The following EXT1 variants were observed in gnomAD, a reference collection of about 807,000 sequenced individuals.
EXT1 encodes the protein exostosin-1.
A neutral mutation model predicts 82.5 loss-of-function variants in EXT1; 20 were observed. The observed-to-expected ratio is 0.24, with a 90% confidence interval of 0.17 to 0.35. The LOEUF is 0.35. EXT1 is among the 10% of genes least tolerant of loss of function. The pLI is 1.00. For synonymous variants in EXT1, 348 were observed against 350.8 expected (o/e 0.99, Z 0.09); for missense variants, 757 against 936.5 (o/e 0.81, Z 2.50).
rs573638516 is a variant in EXT1, at chr8:117,841,872, AT to A, written c.963-4672del. On this transcript the variant is annotated intron_variant, in intron 1 of 10. Transcript: ENST00000378204. The stretch of plus-strand genomic sequence containing the variant: ...AGTCCTGCCCCTCTGTAGGAAACAC[AT>A]TTTTGCTGGCAGCCATTCTGTGCAA... Among the ~76,000 whole-genome samples the A allele has an allele frequency of 4.8e-3, 736 of 152,300 alleles. 2 individuals are homozygous for A. The highest frequency in any genetic ancestry group is 8.6e-3 in the Non-Finnish European group (588 of 68,020).
intron 1 of EXT1, among the ~76,000 whole-genome samples, chr8:117,933,751 C>T (rs957413673): frequency 1.3e-5 from 2 of 152,156 alleles, no homozygotes; most frequent in African/African-American, 2.4e-5. Flanking sequence ...ACAGGAGGCA[C>T]GGGGCACAGA....
intron 1 of EXT1, among the ~76,000 whole-genome samples, chr8:118,082,162 G>A (rs1015712259): frequency 6.6e-5 from 10 of 152,164 alleles, no homozygotes; most frequent in Non-Finnish European, 1.5e-4. Flanking sequence ...CAGACTAGGG[G>A]AAGGGGATGG....
chr8:117,828,471 G>A (rs1812043529), intron 4 of EXT1, among the ~76,000 whole-genome samples: 1 of 151,624 alleles, frequency 6.6e-6, no homozygotes, highest in Admixed American at 6.6e-5. Context: ...ATTGCTTAAG[G>A]TCATTCCAGC....
chr8:117,808,868 T>C (rs1055608784), intron 8 of EXT1, among the ~76,000 whole-genome samples: 1 of 152,150 alleles, frequency 6.6e-6, no homozygotes, highest in Non-Finnish European at 1.5e-5. Context: ...CCAGTGCAGA[T>C]GGGCAATATC....
Position 117,854,437 on chromosome 8 carries a change from A to AG in EXT1, c.963-17237dup, listed in dbSNP as rs1428819275. On this transcript the variant is annotated intron_variant, in intron 1 of 10. Transcript: ENST00000378204. ...GGAAGAAAAAGTTGGAGAGGGCAGT[A>AG]GGGGGAGAAAACACACACACACACA... Among the ~76,000 whole-genome samples, 2 of 152,070 alleles carry AG rather than the reference A, an allele frequency of 1.3e-5. 1 individual carries two copies. Among genetic ancestry groups the AG allele is most frequent in the South Asian group, 4.1e-4 (2 of 4,820 alleles).
chr8:117,974,755 CCACACCCAGCCCT>C (rs1333697730), intron 1 of EXT1, among the ~76,000 whole-genome samples: 1 of 152,202 alleles, frequency 6.6e-6, no homozygotes, highest in African/African-American at 2.4e-5. Flanking sequence ...GCATGAGCCA[CCACACCCAGCCCT>C]CACTACCTGG....
At chr8:117,932,624 A>T (rs749760046) in intron 1 of EXT1, among the ~76,000 whole-genome samples, 1 of 152,014 alleles carries the variant, frequency 6.6e-6, no homozygotes, top group Non-Finnish European at 1.5e-5. Context: ...TCTTTTTTCT[A>T]TTCAAATACT....
intron 1 of EXT1, among the ~76,000 whole-genome samples, chr8:117,884,374 A>C (rs979616714): frequency 6.6e-6 from 1 of 152,124 alleles, no homozygotes; most frequent in Non-Finnish European, 1.5e-5. Flanking sequence ...TGACAAGTCA[A>C]GCCTACCTTC....
chr8:118,041,652 GA>G (rs752126538), intron 1 of EXT1, among the ~76,000 whole-genome samples: 18 of 129,240 alleles, frequency 1.4e-4, no homozygotes, highest in Non-Finnish European at 2.6e-4. Context: ...GAAAAAGAAA[GA>G]AAGAGAGAGA....
intron 1 of EXT1, among the ~76,000 whole-genome samples, chr8:117,873,957 T>C (rs887614883): frequency 6.6e-6 from 1 of 152,184 alleles, no homozygotes; most frequent in African/African-American, 2.4e-5. Context: ...ACAAGTAATG[T>C]GGTAAATATG....
chr8:118,049,032 A>G (rs11562697), intron 1 of EXT1, among the ~76,000 whole-genome samples: 3,412 of 152,332 alleles, frequency 0.022, 108 homozygotes, highest in African/African-American at 0.078. Flanking sequence ...CCCAAATTGT[A>G]AAAGGTTTGA....
chr8:117,873,861 A>G (rs1204402971), intron 1 of EXT1, among the ~76,000 whole-genome samples: 1 of 152,220 alleles, frequency 6.6e-6, no homozygotes, highest in African/African-American at 2.4e-5. Flanking sequence ...AACACTCAAA[A>G]TAGATTTATT....
chr8:117,997,751 AT>A (rs1815576842), intron 1 of EXT1, among the ~76,000 whole-genome samples: 1 of 152,168 alleles, frequency 6.6e-6, no homozygotes. Context: ...AGATGAGCTC[AT>A]TCTGATGATA....
At chr8:117,819,938 C>CATA in intron 5 of EXT1, 144 bp from the exon 6 acceptor site, 1 of 780,686 alleles carries the variant, frequency 1.3e-6, no homozygotes. Flanking sequence ...CCTGACAGGA[C>CATA]AGAAACAAGA....
rs183279669 is a variant in EXT1, at chr8:117,930,478, T to C, written c.963-93277A>G. Among the ~76,000 whole-genome samples, 6 of 152,244 alleles carry C rather than the reference T, an allele frequency of 3.9e-5. No homozygotes were observed. The East Asian group carries it at 1.2e-3, about 29-fold the overall frequency. ...AGTTGGAAGATTATAGACTTATCTC[T>C]AAATATCCACATCTGGTCAACCCCC... On this transcript the variant is annotated intron_variant, in intron 1 of 10. Coordinates refer to ENST00000378204, the MANE Select transcript of EXT1 (RefSeq NM_000127.3).
chr8:117,880,587 C>CTTTT (rs1192972854), intron 1 of EXT1, among the ~76,000 whole-genome samples: 6 of 132,568 alleles, frequency 4.5e-5, no homozygotes, highest in African/African-American at 1.9e-4. Flanking sequence ...TGTTTTGCCT[C>CTTTT]TTTTTTCTTT....
intron 1 of EXT1, among the ~76,000 whole-genome samples, chr8:118,058,942 G>C (rs1177980595): frequency 6.6e-6 from 1 of 152,086 alleles, no homozygotes; most frequent in Non-Finnish European, 1.5e-5. Flanking sequence ...AATTTCTCTT[G>C]TTCTCCCCTT....
At chr8:117,966,017 T>A (rs556808948) in intron 1 of EXT1, among the ~76,000 whole-genome samples, 1 of 150,908 alleles carries the variant, frequency 6.6e-6, no homozygotes, top group South Asian at 2.1e-4. Context: ...CACACATATA[T>A]ACACACGCAC....
intron 1 of EXT1, among the ~76,000 whole-genome samples, chr8:117,992,356 G>A (rs1815451187): frequency 6.7e-6 from 1 of 150,322 alleles, no homozygotes; most frequent in South Asian, 2.1e-4. Context: ...AAACATTCAG[G>A]AGAGCAGCTC....
Sources: allele counts gnomAD v4.1 joint callset (sites outside exome capture counted in the v4.1 genomes callset), GRCh38; gene constraint gnomAD v4.1.1; transcripts MANE v1.5; gene names NCBI Gene and HGNC (gene_info 2026-07-23, HGNC 2026-07-21).